The following ZNF236 variants were observed in gnomAD, a reference collection of about 807,000 sequenced individuals.
The protein encoded by ZNF236 is zinc finger protein 236.
ZNF236 carries 50 observed loss-of-function variants against 191.2 expected under a neutral mutation model. The ratio of observed to expected loss-of-function variants is 0.26; its 90% CI spans 0.21 to 0.33. ZNF236 has a LOEUF of 0.33. Among genes scored for constraint, ZNF236 ranks in the 10% least tolerant of loss-of-function variants. The pLI, the probability that ZNF236 is intolerant of heterozygous loss-of-function variation, is 1.00. For synonymous variants in ZNF236, 907 were observed against 928.8 expected (o/e 0.98, Z 0.43); for missense variants, 1,754 against 2,374.5 (o/e 0.74, Z 5.43).
intron 27 of ZNF236, among the ~76,000 whole-genome samples, chr18:76,955,059 A>G (rs1273506579): frequency 6.6e-6 from 1 of 152,218 alleles, no homozygotes; most frequent in Non-Finnish European, 1.5e-5. Flanking sequence ...TTTTCATTAT[A>G]ATTGTTTTGT....
At chr18:76,842,219 ATTAT>A (rs1219039607) in intron 1 of ZNF236, among the ~76,000 whole-genome samples, 1 of 134,158 alleles carries the variant, frequency 7.5e-6, no homozygotes, top group African/African-American at 2.8e-5. Context: ...CCCCATAAAG[ATTAT>A]TTATTTTATG....
At chr18:76,841,257 G>C (rs771848214) in intron 1 of ZNF236, among the ~76,000 whole-genome samples, 4 of 151,142 alleles carry the variant, frequency 2.6e-5, no homozygotes, top group Non-Finnish European at 4.4e-5. Flanking sequence ...ATTTTTAGTA[G>C]AGACAAGGTT....
intron 15 of ZNF236, 61 bp downstream of exon 15, chr18:76,910,230 C>G: frequency 7.2e-7 from 1 of 1,389,802 alleles, no homozygotes. Flanking sequence ...AATTTAATCT[C>G]ATGACAACCT....
rs899865030 is a variant in ZNF236, at chr18:76,829,578, T to G, written c.55+6916T>G. 2.0e-5 allele frequency among the ~76,000 whole-genome samples: 3 copies of G among 152,196 alleles called. No homozygotes were observed. The East Asian group carries it at 5.8e-4, about 29-fold the overall frequency. On this transcript the variant is annotated intron_variant, in intron 1 of 30. Transcript: ENST00000320610. ...CCTGGACTCAAGCTATCCCCTGCCT[T>G]AGCCTCCCAAAGTGTTGGGATTACA... is the stretch of plus-strand genomic sequence containing the variant.
At chr18:76,868,610 C>T (rs775930816) in intron 3 of ZNF236, 75 bp from the exon 4 acceptor site, 28 of 1,263,536 alleles carry the variant, frequency 2.2e-5, no homozygotes, top group Middle Eastern at 2.1e-4. Flanking sequence ...GTGTATTAAC[C>T]GTTGATCATA....
intron 1 of ZNF236, among the ~76,000 whole-genome samples, chr18:76,843,918 C>T (rs1026777693): frequency 6.7e-6 from 1 of 150,166 alleles, no homozygotes; most frequent in African/African-American, 2.5e-5. Flanking sequence ...TGGTTCACGC[C>T]TGTAATATGA....
rs918605597 is a variant in ZNF236, at chr18:76,875,032, G to C, written c.668-460G>C. Among the ~76,000 whole-genome samples, 1 of 152,200 alleles carries C rather than the reference G, an allele frequency of 6.6e-6. No homozygotes were observed. The highest frequency in any genetic ancestry group is 2.4e-5 in the African/African-American group (1 of 41,446). On this transcript the variant is annotated intron_variant, in intron 5 of 30. Coordinates refer to ENST00000320610, the MANE Select transcript of ZNF236 (RefSeq NM_001306089.2). The surrounding 1 kb of genome is among the most constrained non-coding windows in gnomAD (Gnocchi z 4.3). Reference sequence around the variant, plus strand: ...TGTTTTGAGAGCAGCCTAGGAAGGGGCCAGGGTGGAAGCAGTGAGTCAAGC... The same window carrying C: ...TGTTTTGAGAGCAGCCTAGGAAGGGCCCAGGGTGGAAGCAGTGAGTCAAGC...
intron 10 of ZNF236, among the ~76,000 whole-genome samples, chr18:76,897,015 ACACAGGTACCAAACAGTACTGCC>A (rs1426893543): frequency 1.3e-5 from 2 of 151,928 alleles, no homozygotes; most frequent in Non-Finnish European, 2.9e-5. Context: ...ACAGTACTGC[ACACAGGTACCAAACAGTACTGCC>A]CACAGGTACT....
chr18:76,831,959 A>G (rs1881604735), intron 1 of ZNF236, among the ~76,000 whole-genome samples: 2 of 152,234 alleles, frequency 1.3e-5, no homozygotes, highest in Non-Finnish European at 2.9e-5. Context: ...CTTCTAATCA[A>G]TTAAACAAGT....
chr18:76,834,978 GTTTTTTT>G (rs35789549), intron 1 of ZNF236: 4 of 145,490 alleles, frequency 2.7e-5, no homozygotes, highest in African/African-American at 1.1e-4. Flanking sequence ...TTTATTTTCT[GTTTTTTT>G]TTTTTTTTCT....
chr18:76,839,748 C>T (rs950529549), intron 1 of ZNF236, among the ~76,000 whole-genome samples: 40 of 152,084 alleles, frequency 2.6e-4, no homozygotes, highest in African/African-American at 9.7e-4. Context: ...AATGGGCTCT[C>T]CACAGTTCTC....
chr18:76,866,973 A>C (rs2122586809), intron 3 of ZNF236, among the ~76,000 whole-genome samples: 1 of 152,280 alleles, frequency 6.6e-6, no homozygotes, highest in Non-Finnish European at 1.5e-5. Flanking sequence ...TCGTGCATAA[A>C]CTGGGGTTGT....
intron 3 of ZNF236, among the ~76,000 whole-genome samples, chr18:76,862,289 G>T (rs1047863543): frequency 6.6e-6 from 1 of 152,186 alleles, no homozygotes; most frequent in Non-Finnish European, 1.5e-5. Context: ...ACTGGGAAAA[G>T]GTTGGTCCAA....
At chr18:76,827,134 G>A (rs1170400975) in intron 1 of ZNF236, among the ~76,000 whole-genome samples, 2 of 151,222 alleles carry the variant, frequency 1.3e-5, no homozygotes, top group African/African-American at 2.4e-5. Flanking sequence ...GACCTCGGGT[G>A]ATCCTCCCAC....
intron 15 of ZNF236, 28 bp downstream of exon 15, chr18:76,910,197 G>A: frequency 6.4e-7 from 1 of 1,566,098 alleles, no homozygotes; most frequent in Non-Finnish European, 8.8e-7. Flanking sequence ...AATGAAATTT[G>A]TAAGTGAGCT....
chr18:76,871,778 C>T lies in ZNF236; in HGVS notation c.620C>T (p.Thr207Met), dbSNP rs371329485. 26 of 1,614,050 alleles carry T rather than the reference C, an allele frequency of 1.6e-5. No individual in the cohort carries two copies. Among genetic ancestry groups the T allele is most frequent in the Admixed American group, 5.0e-5 (3 of 60,008 alleles). ...FTYSCPHCGK[T>M]FQKPSQLTRH... ...TATTCGTGTCCGCACTGTGGAAAGA[C>T]GTTTCAAAAGCCAAGCCAGTTAACG... is the stretch of plus-strand genomic sequence containing the variant. Residue 207 changes from threonine (T) to methionine (M), a missense_variant, in exon 5 of 31, where the codon ACG (threonine) becomes ATG (methionine). By Grantham distance (81) the Thr-to-Met change is moderately conservative. Coordinates refer to ENST00000320610, the MANE Select transcript of ZNF236 (RefSeq NM_001306089.2).
chr18:76,883,719 C>A (rs185056720), intron 9 of ZNF236, among the ~76,000 whole-genome samples: 2 of 152,278 alleles, frequency 1.3e-5, no homozygotes, highest in Admixed American at 1.3e-4. Flanking sequence ...TGAGCTACCA[C>A]ACTTAGCCTG....
At chr18:76,892,175 T>TTG (rs1362280513) in intron 9 of ZNF236, among the ~76,000 whole-genome samples, 2 of 145,206 alleles carry the variant, frequency 1.4e-5, no homozygotes, top group Admixed American at 6.9e-5. Context: ...TGGGTTTTTT[T>TTG]TTTTTTTTTT....
chr18:76,846,849 C>A (rs1471883533), intron 1 of ZNF236, among the ~76,000 whole-genome samples: 1 of 151,464 alleles, frequency 6.6e-6, no homozygotes, highest in East Asian at 1.9e-4. Context: ...GGCTGAAGTG[C>A]AGTGGTGCAA....
Sources: allele counts gnomAD v4.1 joint callset (sites outside exome capture counted in the v4.1 genomes callset), GRCh38; gene constraint gnomAD v4.1.1; non-coding constraint Gnocchi (gnomAD v3.1); transcripts MANE v1.5; gene names NCBI Gene and HGNC (gene_info 2026-07-23, HGNC 2026-07-21).